Variants in GRIN3A observed in about 807,000 individuals in gnomAD.
GRIN3A encodes the protein glutamate ionotropic receptor NMDA type subunit 3A, also known as glutamate receptor ionotropic, NMDA 3A.
Under a neutral mutation model 92.4 loss-of-function variants are expected in GRIN3A, and 47 were observed. The observed-to-expected ratio is 0.51, with a 90% CI of 0.40 to 0.65. The LOEUF is 0.65. Among genes scored for constraint, GRIN3A ranks in the 30% least tolerant of loss-of-function variants. GRIN3A has a pLI of 0.00. For synonymous variants in GRIN3A, 527 were observed against 540.6 expected (o/e 0.97, Z 0.35); for missense variants, 1,324 against 1,393.1 (o/e 0.95, Z 0.79).
Position 101,737,343 on chromosome 9 carries a change from T to C in GRIN3A, c.637A>G (p.Ser213Gly). The change falls in exon 1 of 9, where the codon AGC becomes GGC. Residue 213 changes from serine (S) to glycine (G), a missense_variant. Coordinates refer to ENST00000361820, the MANE Select transcript of GRIN3A (RefSeq NM_133445.3). ...QGEMMELDLV[S>G]LVLHIPVISI... Reference sequence around the variant, plus strand: ...ATCACTGGAATGTGCAGGACTAAGCTGACCAAGTCGAGCTCCATCATTTCG... The same window carrying C: ...ATCACTGGAATGTGCAGGACTAAGCCGACCAAGTCGAGCTCCATCATTTCG... 1 of 1,614,204 alleles carries C rather than the reference T, an allele frequency of 6.2e-7. No individual in the cohort carries two copies. Among genetic ancestry groups the C allele is most frequent in the Non-Finnish European group, 8.5e-7 (1 of 1,180,030 alleles).
At chr9:101,722,452 C>T (rs1412732855) in intron 1 of GRIN3A, among the ~76,000 whole-genome samples, 5 of 152,128 alleles carry the variant, frequency 3.3e-5, no homozygotes, top group Non-Finnish European at 7.3e-5. Flanking sequence ...GAGAAGAGGG[C>T]CACCGTCCTC....
chr9:101,617,331 A>G (rs1451949915), intron 5 of GRIN3A, among the ~76,000 whole-genome samples: 1 of 151,986 alleles, frequency 6.6e-6, no homozygotes. Context: ...ACAAAAGTAT[A>G]TGATAAGAAA....
chr9:101,670,514 C>T lies in GRIN3A; in HGVS notation c.1898G>A (p.Ser633Asn), dbSNP rs949687303. Residue 633 changes from serine to asparagine, a missense_variant, in exon 3 of 9, where the codon AGC (serine) becomes AAC (asparagine). Transcript: ENST00000361820. ...CACCTGGCTCCGTGCAGTATTGATG[C>T]TAAAGGAAGTGACTGCCATGTGGGC... is the stretch of plus-strand genomic sequence containing the variant. ...GTAHMAVTSF[S>N]INTARSQVID... The T allele has an allele frequency of 6.2e-7, 1 of 1,613,984 alleles. No homozygotes were observed. The highest frequency in any genetic ancestry group is 8.5e-7 in the Non-Finnish European group (1 of 1,179,944).
At chr9:101,696,080 C>T (rs576733391) in intron 1 of GRIN3A, among the ~76,000 whole-genome samples, 41 of 152,276 alleles carry the variant, frequency 2.7e-4, no homozygotes, top group African/African-American at 8.9e-4. Context: ...GAGACTATCT[C>T]ATAGGCGAAA....
intron 6 of GRIN3A, among the ~76,000 whole-genome samples, chr9:101,597,046 C>CAAA (rs1311524535): frequency 2.6e-5 from 4 of 152,334 alleles, no homozygotes. Context: ...GTGCCTTTCA[C>CAAA]CTCTGCTTCT....
chr9:101,649,516 A>G (rs950439484), intron 3 of GRIN3A, among the ~76,000 whole-genome samples: 2 of 151,950 alleles, frequency 1.3e-5, no homozygotes, highest in African/African-American at 4.8e-5. Flanking sequence ...CTACGCCTCC[A>G]ATTCTCTCCT....
intron 6 of GRIN3A, among the ~76,000 whole-genome samples, chr9:101,588,384 C>G (rs1827975744): frequency 6.6e-6 from 1 of 152,126 alleles, no homozygotes; most frequent in Non-Finnish European, 1.5e-5. Context: ...TCTCTGCATT[C>G]CTCTAACCTG....
intron 3 of GRIN3A, among the ~76,000 whole-genome samples, chr9:101,667,183 A>G (rs539274936): frequency 6.6e-6 from 1 of 151,960 alleles, no homozygotes; most frequent in Non-Finnish European, 1.5e-5. Context: ...TATACTTTAT[A>G]CTATATACCT....
chr9:101,639,007 C>T (rs1418675882), intron 3 of GRIN3A, among the ~76,000 whole-genome samples: 3 of 152,222 alleles, frequency 2.0e-5, no homozygotes, highest in Non-Finnish European at 4.4e-5. Context: ...CATTCGTCAT[C>T]TCATTTCAGC....
intron 5 of GRIN3A, among the ~76,000 whole-genome samples, chr9:101,619,180 G>T (rs996557848): frequency 6.6e-6 from 1 of 152,152 alleles, no homozygotes; most frequent in Non-Finnish European, 1.5e-5. Flanking sequence ...TTTGAAAATA[G>T]CATCTCAGAT....
At chr9:101,729,849 T>A (rs1401811901) in intron 1 of GRIN3A, among the ~76,000 whole-genome samples, 1 of 152,170 alleles carries the variant, frequency 6.6e-6, no homozygotes, top group African/African-American at 2.4e-5. Context: ...CACACAAACC[T>A]GAAGCCCAAG....
intron 6 of GRIN3A, among the ~76,000 whole-genome samples, chr9:101,581,037 T>C (rs963811109): frequency 1.3e-5 from 2 of 152,228 alleles, no homozygotes; most frequent in African/African-American, 4.8e-5. Context: ...CATAATATAT[T>C]GAGTTAATAC....
chr9:101,604,104 T>C (rs1035916953), intron 6 of GRIN3A, among the ~76,000 whole-genome samples: 1 of 151,760 alleles, frequency 6.6e-6, no homozygotes, highest in African/African-American at 2.4e-5. Flanking sequence ...GCATGGGACA[T>C]GGTACGTGGG....
intron 6 of GRIN3A, among the ~76,000 whole-genome samples, chr9:101,596,205 AAGCCACTG>A (rs1828128134): frequency 1.3e-5 from 2 of 152,210 alleles, no homozygotes; most frequent in South Asian, 4.1e-4. Flanking sequence ...TAGCAAAACT[AAGCCACTG>A]ATCACCTTAT....
At chr9:101,644,783 A>T (rs147775791) in intron 3 of GRIN3A, among the ~76,000 whole-genome samples, 2 of 152,008 alleles carry the variant, frequency 1.3e-5, no homozygotes, top group Non-Finnish European at 2.9e-5. Context: ...AGTGGTCATC[A>T]TGAGTATTTT....
chr9:101,678,086 A>G (rs535768268), intron 2 of GRIN3A, among the ~76,000 whole-genome samples: 3 of 152,228 alleles, frequency 2.0e-5, no homozygotes, highest in East Asian at 1.9e-4. Context: ...CTAAGTACCT[A>G]TCTCACTGAG....
Position 101,737,949 on chromosome 9 carries a change from T to G in GRIN3A, c.31A>C (p.Ser11Arg). 6.5e-7 allele frequency: 1 copy of G among 1,537,642 alleles called. No individual in the cohort carries two copies. Among genetic ancestry groups the G allele is most frequent in the East Asian group, 2.4e-5 (1 of 41,296 alleles). The change falls in exon 1 of 9, where the codon AGC (serine) becomes CGC (arginine). Residue 11 changes from serine to arginine, a missense_variant. Coordinates refer to ENST00000361820, the MANE Select transcript of GRIN3A (RefSeq NM_133445.3). MRRLSLWWLL[S>R]RVCLLLPPPC... ...GGCGGCAACAGCAGACAGACCCTGCTCAGCAGCCACCACAAACTCAGTCTC... is the reference window on the plus strand; with the variant it reads ...GGCGGCAACAGCAGACAGACCCTGCGCAGCAGCCACCACAAACTCAGTCTC...
At chr9:101,697,969 C>A (rs542068199) in intron 1 of GRIN3A, among the ~76,000 whole-genome samples, 1 of 152,256 alleles carries the variant, frequency 6.6e-6, no homozygotes, top group Non-Finnish European at 1.5e-5. Flanking sequence ...CATGCACACT[C>A]CAACACCTCT....
intron 3 of GRIN3A, among the ~76,000 whole-genome samples, chr9:101,666,783 G>T (rs1162457122): frequency 6.6e-6 from 1 of 152,026 alleles, no homozygotes; most frequent in African/African-American, 2.4e-5. Context: ...GTGACTCTTT[G>T]TTGCCTCTCC....
Sources: allele counts gnomAD v4.1 joint callset (sites outside exome capture counted in the v4.1 genomes callset), GRCh38; gene constraint gnomAD v4.1.1; transcripts MANE v1.5; gene names NCBI Gene and HGNC (gene_info 2026-07-23, HGNC 2026-07-21).